The following THADA variants were observed in gnomAD, a reference collection of about 807,000 sequenced individuals.
THADA encodes tRNA (32-2'-O)-methyltransferase regulator THADA.
In THADA, 213 loss-of-function variants were observed where a neutral mutation model predicts 219.8. The observed-to-expected ratio is 0.97, with a 90% CI of 0.87 to 1.09. The LOEUF is 1.09. Among genes scored for constraint, THADA ranks in the 50% least tolerant of loss-of-function variants. THADA has a pLI of 0.00. For missense variants in THADA, 2,956 were observed against 2,311.3 expected, an observed-to-expected ratio of 1.28 and a Z score of -5.72; for synonymous variants, 1,018 against 828.9, an observed-to-expected ratio of 1.23 and a Z score of -3.92.
chr2:43,398,033 T>C lies in THADA; in HGVS notation c.4165A>G (p.Thr1389Ala). The C allele has an allele frequency of 1.2e-6, 2 of 1,613,978 alleles. No homozygotes were observed. The highest frequency in any genetic ancestry group is 1.1e-5 in the South Asian group (1 of 91,092). ...IPNTIRTLLS[T>A]LPSCTDQCFR... ...CACTGGTCAGTGCAGCTGGGGAGTG[T>C]GGACAACAGAGTTCGAATGGTATTA... The change falls in exon 29 of 38, where the codon ACA becomes GCA. Residue 1389 changes from threonine (T) to alanine (A), a missense_variant. Physicochemically the swap from Thr to Ala is moderately conservative, Grantham distance 58. Coordinates refer to ENST00000405975, the MANE Select transcript of THADA (RefSeq NM_022065.5).
chr2:43,515,758 A>G (rs1318408293), intron 22 of THADA, among the ~76,000 whole-genome samples: 1 of 152,100 alleles, frequency 6.6e-6, no homozygotes, highest in Non-Finnish European at 1.5e-5. Context: ...TCAAAAGCAT[A>G]GGTAAGAAAA....
intron 28 of THADA, among the ~76,000 whole-genome samples, chr2:43,415,325 T>G (rs1183500667): frequency 1.3e-5 from 2 of 152,156 alleles, no homozygotes; most frequent in African/African-American, 4.8e-5. Flanking sequence ...TCATTTAATA[T>G]AGGTTTCAAT....
At chr2:43,431,364 C>T (rs750303842) in intron 26 of THADA, among the ~76,000 whole-genome samples, 15 of 152,162 alleles carry the variant, frequency 9.9e-5, no homozygotes, top group Admixed American at 5.2e-4. Flanking sequence ...ATGCCCCTTC[C>T]CAGCAAACTC....
Position 43,515,207 on chromosome 2 carries a change from A to AATATATTATATATT in THADA, c.3375-6428_3375-6427insAATATATAATATAT, listed in dbSNP as rs1691415620. On this transcript the variant is annotated intron_variant, in intron 22 of 37. Coordinates refer to ENST00000405975, the MANE Select transcript of THADA (RefSeq NM_022065.5). Reference sequence around the variant, plus strand: ...ATATAATATATTATATATAATATATAATATATAATATATTATATATAATAT... The same window carrying AATATATTATATATT: ...ATATAATATATTATATATAATATATAATATATTATATATTATATATAATATATTATATATAATAT... Among the ~76,000 whole-genome samples, 3 of 10,716 alleles carry AATATATTATATATT rather than the reference A, an allele frequency of 2.8e-4. 1 individual carries two copies. Among genetic ancestry groups the AATATATTATATATT allele is most frequent in the African/African-American group, 7.6e-4 (2 of 2,642 alleles). The allele number at this position is 10,716 out of a possible 152,430, so 7.0% of individuals were successfully genotyped here.
intron 16 of THADA, among the ~76,000 whole-genome samples, chr2:43,557,429 C>T (rs1384343878): frequency 6.6e-6 from 1 of 152,142 alleles, no homozygotes; most frequent in Admixed American, 6.5e-5. Context: ...CTTCCTCCTT[C>T]CTATACAGGT....
At chr2:43,460,678 A>C (rs977803634) in intron 26 of THADA, among the ~76,000 whole-genome samples, 2 of 152,220 alleles carry the variant, frequency 1.3e-5, no homozygotes, top group Non-Finnish European at 2.9e-5. Context: ...CAAGTTTACA[A>C]AACAAGACAG....
chr2:43,355,094 G>C (rs1668731549), intron 29 of THADA, among the ~76,000 whole-genome samples: 1 of 152,122 alleles, frequency 6.6e-6, no homozygotes, highest in Non-Finnish European at 1.5e-5. Context: ...GTCTTTATTA[G>C]CAGCTTGAGA....
chr2:43,501,022 T>C (rs757834655), intron 24 of THADA, among the ~76,000 whole-genome samples: 244 of 152,110 alleles, frequency 1.6e-3, no homozygotes, highest in Non-Finnish European at 2.2e-3. Flanking sequence ...AAGACGTTTA[T>C]GGGCCAGGCA....
chr2:43,575,418 A>G (rs1379156374), intron 10 of THADA, among the ~76,000 whole-genome samples: 2 of 152,234 alleles, frequency 1.3e-5, no homozygotes, highest in Non-Finnish European at 2.9e-5. Flanking sequence ...ACTACACTCC[A>G]GCCTGGGTGA....
intron 22 of THADA, among the ~76,000 whole-genome samples, chr2:43,512,598 A>G (rs7597135): frequency 0.14 from 21,417 of 152,098 alleles, 1,997 homozygotes; most frequent in African/African-American, 0.27. Context: ...CGCCTCCCAG[A>G]TTCAAGTGAT....
chr2:43,305,725 G>C (rs930663189), intron 31 of THADA, among the ~76,000 whole-genome samples: 4 of 152,208 alleles, frequency 2.6e-5, no homozygotes, highest in South Asian at 4.1e-4. Context: ...GAGCTCACCA[G>C]GCCCTGGGTG....
chr2:43,248,449 C>G, intron 36 of THADA, among the ~76,000 whole-genome samples: 1 of 151,940 alleles, frequency 6.6e-6, no homozygotes, highest in Non-Finnish European at 1.5e-5. Flanking sequence ...CCAGGCTGGT[C>G]TTGAACTCCT....
At chr2:43,429,517 A>G (rs932352724) in intron 27 of THADA, among the ~76,000 whole-genome samples, 1 of 152,106 alleles carries the variant, frequency 6.6e-6, no homozygotes, top group Non-Finnish European at 1.5e-5. Context: ...GACAAGAACC[A>G]TTTCTGAACA....
intron 29 of THADA, among the ~76,000 whole-genome samples, chr2:43,388,107 T>A (rs1439832787): frequency 1.3e-5 from 2 of 152,168 alleles, no homozygotes; most frequent in African/African-American, 4.8e-5. Flanking sequence ...AAATATGCTA[T>A]CCCAATAAAA....
At chr2:43,288,149 T>G (rs190747203) in intron 34 of THADA, among the ~76,000 whole-genome samples, 5 of 152,382 alleles carry the variant, frequency 3.3e-5, no homozygotes, top group Admixed American at 1.3e-4. Flanking sequence ...CCGGGCACAG[T>G]GGCTCACGGC....
rs1291427840 is a variant in THADA at position 43,397,960 on chromosome 2, ACT to A, written c.4227+9_4227+10del. The A allele has an allele frequency of 6.2e-7, 1 of 1,613,586 alleles. No homozygotes were observed. Among genetic ancestry groups the A allele is most frequent in the African/African-American group, 1.3e-5 (1 of 74,944 alleles). The stretch of plus-strand genomic sequence containing the variant: ...TGTTTGACAGAAGTCACACAAAGCA[ACT>A]TTACTTACCTGGAGAAGTGTCCCAT... On this transcript the variant is annotated intron_variant, in intron 29 of 37. Coordinates refer to ENST00000405975, the MANE Select transcript of THADA (RefSeq NM_022065.5).
intron 29 of THADA, among the ~76,000 whole-genome samples, chr2:43,392,485 C>T (rs1190641955): frequency 6.6e-6 from 1 of 152,126 alleles, no homozygotes; most frequent in Non-Finnish European, 1.5e-5. Flanking sequence ...CTGCTTCTTG[C>T]ACAGTGATTC....
chr2:43,491,332 T>C lies in THADA; in HGVS notation c.3745-6007A>G, dbSNP rs57643735. 1.3e-4 allele frequency among the ~76,000 whole-genome samples: 20 copies of C among 152,308 alleles called. No homozygotes were observed. The East Asian group carries it at 3.1e-3, about 23-fold the overall frequency. ...TAAAACATGTCCCTTTTTGGAAGGA[T>C]AGATGGAAAACACATTAGGTTGGTG... is the stretch of plus-strand genomic sequence containing the variant. On this transcript the variant is annotated intron_variant, in intron 25 of 37. Coordinates refer to ENST00000405975, the MANE Select transcript of THADA (RefSeq NM_022065.5).
chr2:43,265,962 C>T (rs1308001786), intron 36 of THADA, among the ~76,000 whole-genome samples: 1 of 133,406 alleles, frequency 7.5e-6, no homozygotes, highest in Non-Finnish European at 1.7e-5. Flanking sequence ...CACACACACA[C>T]ACACACACAC....
Sources: gnomAD v4.1 joint callset for allele counts (sites outside exome capture counted in the v4.1 genomes callset) on GRCh38, gnomAD v4.1.1 for gene constraint, MANE v1.5 for transcripts, NCBI Gene and HGNC (gene_info 2026-07-23, HGNC 2026-07-21) for gene names.